The following TMEM107 variants were observed in gnomAD, a reference collection of about 807,000 sequenced individuals.
The protein encoded by TMEM107 is transmembrane protein 107.
TMEM107 carries 18 observed loss-of-function variants against 16.8 expected under a neutral mutation model. The ratio of observed to expected loss-of-function variants is 1.07; its 90% CI spans 0.74 to 1.59. TMEM107 has a LOEUF of 1.59. TMEM107 is among the 40% of genes most tolerant of loss of function. The pLI is 0.00. For missense variants in TMEM107, 152 were observed against 175.4 expected, an observed-to-expected ratio of 0.87 and a Z score of 0.75; for synonymous variants, 68 against 71.6, an observed-to-expected ratio of 0.95 and a Z score of 0.25.
In TMEM107 at chr17:8,173,466, C is replaced by A. The variant is rs201397948; in HGVS notation, c.*737G>T. The A allele has an allele frequency of 1.1e-4, 86 of 764,298 alleles. No individual in the cohort carries two copies. The highest frequency in any genetic ancestry group is 4.7e-4 in the Admixed American group (28 of 58,964). 47.3% of individuals were successfully genotyped at this position (764,298 alleles called of 1,614,324 possible). ...ATCGTCAGAAAGAATCAGACAGGAG[C>A]AATCAGGGTGTTGCAAGTCCTGATT... On this transcript the variant is annotated 3_prime_UTR_variant, in exon 5 of 5. Transcript: ENST00000437139.
In TMEM107 at chr17:8,173,890, GCGA is replaced by G; in HGVS notation, c.*310_*312del. ...ACCTACCGTAGTAACCAAAATAGAAGCGATACCAAGTATCTTACGGTCTGCAGG... is the reference window on the plus strand; with the variant it reads ...ACCTACCGTAGTAACCAAAATAGAAGTACCAAGTATCTTACGGTCTGCAGG... On this transcript the variant is annotated 3_prime_UTR_variant, in exon 5 of 5. Coordinates refer to ENST00000437139, the MANE Select transcript of TMEM107 (RefSeq NM_183065.4). 2.0e-6 allele frequency: 1 copy of G among 488,838 alleles called. No individual in the cohort carries two copies. Among genetic ancestry groups the G allele is most frequent in the South Asian group, 2.6e-5 (1 of 37,848 alleles). 30.3% of individuals were successfully genotyped at this position (488,838 alleles called of 1,614,324 possible). A position where few individuals can be genotyped will look rare whatever the true frequency, so the allele number is the denominator to read the frequency against.
At position 8,172,869 on chromosome 17, in the gene TMEM107, AAAAAAACC is replaced by A. The variant is rs1418556500; in HGVS notation, c.*1326_*1333del. ...TGAGACTGTCTCAAAAAAAAAAAAA[AAAAAAACC>A]AAAAGAGGGGGGTGGTCAACATACC... On this transcript the variant is annotated 3_prime_UTR_variant, in exon 5 of 5. Coordinates refer to ENST00000437139, the MANE Select transcript of TMEM107 (RefSeq NM_183065.4). Among the ~76,000 whole-genome samples the A allele has an allele frequency of 2.7e-5, 4 of 148,288 alleles. No individual in the cohort carries two copies. Among genetic ancestry groups the A allele is most frequent in the Non-Finnish European group, 6.0e-5 (4 of 66,818 alleles).
rs1026872231 is a variant in TMEM107 at position 8,173,695 on chromosome 17, C to T, written c.*508G>A. 4 of 618,760 alleles carry T rather than the reference C, an allele frequency of 6.5e-6. No homozygotes were observed. The Admixed American group carries it at 1.1e-4, about 17-fold the overall frequency. 38.3% of individuals were successfully genotyped at this position (618,760 alleles called of 1,614,324 possible). The stretch of plus-strand genomic sequence containing the variant: ...GCAATCCTATTATTTAGCGTCCTTC[C>T]AGTTGTTTTGCCATATTAGCTCGCA... On this transcript the variant is annotated 3_prime_UTR_variant, in exon 5 of 5. Coordinates refer to ENST00000437139, the MANE Select transcript of TMEM107 (RefSeq NM_183065.4).
rs987099808 is a variant in TMEM107 at position 8,173,436 on chromosome 17, A to C, written c.*767T>G. ...CTGCTAATCAGCATAACACAAATGTAAGTGATCGTCAGAAAGAATCAGACA... is the reference window on the plus strand; with the variant it reads ...CTGCTAATCAGCATAACACAAATGTCAGTGATCGTCAGAAAGAATCAGACA... On this transcript the variant is annotated 3_prime_UTR_variant, in exon 5 of 5. Coordinates refer to ENST00000437139, the MANE Select transcript of TMEM107 (RefSeq NM_183065.4). 2 of 760,278 alleles carry C rather than the reference A, an allele frequency of 2.6e-6. No individual in the cohort carries two copies. The highest frequency in any genetic ancestry group is 4.8e-6 in the Non-Finnish European group (2 of 415,630). The allele number at this position is 760,278 out of a possible 1,614,324, so 47.1% of individuals were successfully genotyped here. A position where few individuals can be genotyped will look rare whatever the true frequency, so the allele number is the denominator to read the frequency against.
chr17:8,174,758 C>T (rs993813198), intron 3 of TMEM107, 142 bp from the exon 4 acceptor site: 5 of 716,136 alleles, frequency 7.0e-6, no homozygotes, highest in African/African-American at 1.8e-5. Context: ...GTCAGCAGCT[C>T]TGACTTCTGA....
rs1448283826 is a variant in TMEM107, at chr17:8,175,599, G to T, written c.256+158C>A. On this transcript the variant is annotated intron_variant, in intron 3 of 4. Transcript: ENST00000437139. Reference sequence around the variant, plus strand: ...AAAAACTGTATTTTACTCTCATTTTGGGATTTTAAGTGCCTAGTAAACAGC... The same window carrying T: ...AAAAACTGTATTTTACTCTCATTTTTGGATTTTAAGTGCCTAGTAAACAGC... The T allele has an allele frequency of 5.2e-6, 4 of 767,558 alleles. No homozygotes were observed. In the African/African-American group the frequency reaches 6.7e-5, roughly 13 times the overall value. The allele number at this position is 767,558 out of a possible 1,614,324, so 47.5% of individuals were successfully genotyped here. A position where few individuals can be genotyped will look rare whatever the true frequency, so the allele number is the denominator to read the frequency against.
intron 3 of TMEM107, chr17:8,175,210 A>T (rs1009395847): frequency 4.8e-6 from 1 of 206,236 alleles, no homozygotes; most frequent in Admixed American, 5.3e-5. Context: ...GGATTACAGG[A>T]GTGCGCCGCC....
Position 8,173,342 on chromosome 17 carries a change from G to A in TMEM107, c.*861C>T, listed in dbSNP as rs144936021. The A allele has an allele frequency of 4.4e-4, 263 of 595,462 alleles. 2 individuals carry two copies. Among genetic ancestry groups the A allele is most frequent in the African/African-American group, 3.0e-3 (163 of 53,960 alleles). 36.9% of individuals were successfully genotyped at this position (595,462 alleles called of 1,614,324 possible). A position where few individuals can be genotyped will look rare whatever the true frequency, so the allele number is the denominator to read the frequency against. ...ACTGCAAAATAGACAAACAGCAATA[G>A]CAAGACTGCAAAATAGACAAACAGC... is the stretch of plus-strand genomic sequence containing the variant. On this transcript the variant is annotated 3_prime_UTR_variant, in exon 5 of 5. Transcript: ENST00000437139.
rs146107438 is a variant in TMEM107 at position 8,173,550 on chromosome 17, C to CA, written c.*652_*653insT. ...CAATCATCATGTTCTAATCTGCCCT[C>CA]CGGAGGAGGAACAGGTAAGGATTAT... On this transcript the variant is annotated 3_prime_UTR_variant, in exon 5 of 5. Coordinates refer to ENST00000437139, the MANE Select transcript of TMEM107 (RefSeq NM_183065.4). 413 of 765,356 alleles carry CA rather than the reference C, an allele frequency of 5.4e-4. 1 individual carries two copies. Among genetic ancestry groups the CA allele is most frequent in the Non-Finnish European group, 8.6e-4 (358 of 417,990 alleles). The allele number at this position is 765,356 out of a possible 1,614,324, so 47.4% of individuals were successfully genotyped here.
chr17:8,173,557 A>AT lies in TMEM107; in HGVS notation c.*645_*646insA. On this transcript the variant is annotated 3_prime_UTR_variant, in exon 5 of 5. Transcript: ENST00000437139. ...CATGTTCTAATCTGCCCTCCGGAGG[A>AT]GGAACAGGTAAGGATTATCCCACCT... is the stretch of plus-strand genomic sequence containing the variant. The AT allele has an allele frequency of 1.3e-6, 1 of 765,404 alleles. No individual in the cohort carries two copies. The highest frequency in any genetic ancestry group is 2.4e-6 in the Non-Finnish European group (1 of 417,996). 47.4% of individuals were successfully genotyped at this position (765,404 alleles called of 1,614,324 possible). A position where few individuals can be genotyped will look rare whatever the true frequency, so the allele number is the denominator to read the frequency against.
chr17:8,173,364 C>G lies in TMEM107; in HGVS notation c.*839G>C, dbSNP rs75491512. 1 of 635,278 alleles carries G rather than the reference C, an allele frequency of 1.6e-6. No homozygotes were observed. The highest frequency in any genetic ancestry group is 2.9e-6 in the Non-Finnish European group (1 of 345,234). 39.4% of individuals were successfully genotyped at this position (635,278 alleles called of 1,614,324 possible). ...ATAGCAAGACTGCAAAATAGACAAACAGCAAGGTTATCCCAGTCAGAACTT... is the reference window on the plus strand; with the variant it reads ...ATAGCAAGACTGCAAAATAGACAAAGAGCAAGGTTATCCCAGTCAGAACTT... On this transcript the variant is annotated 3_prime_UTR_variant, in exon 5 of 5. Coordinates refer to ENST00000437139, the MANE Select transcript of TMEM107 (RefSeq NM_183065.4).
At position 8,173,673 on chromosome 17, in the gene TMEM107, A is replaced by T; in HGVS notation, c.*530T>A. On this transcript the variant is annotated 3_prime_UTR_variant, in exon 5 of 5. Transcript: ENST00000437139. Reference sequence around the variant, plus strand: ...AGTTCATAACGCGCTGGTATGAGCAATCCTATTATTTAGCGTCCTTCCAGT... The same window carrying T: ...AGTTCATAACGCGCTGGTATGAGCATTCCTATTATTTAGCGTCCTTCCAGT... 1 of 661,646 alleles carries T rather than the reference A, an allele frequency of 1.5e-6. No homozygotes were observed. The highest frequency in any genetic ancestry group is 2.8e-6 in the Non-Finnish European group (1 of 363,386). 41.0% of individuals were successfully genotyped at this position (661,646 alleles called of 1,614,324 possible).
intron 2 of TMEM107, 47 bp from the exon 3 acceptor site, chr17:8,175,904 G>C (rs772791490): frequency 5.0e-6 from 8 of 1,614,090 alleles, no homozygotes; most frequent in African/African-American, 4.0e-5. Context: ...CTTATTCTAA[G>C]ACCCCTCCAC....
rs968533837 is a variant in TMEM107, at chr17:8,173,258, A to G, written c.*945T>C. ...CCCATTTGTATTATTTCACTGCCTA[A>G]ATTCCAGAAAGCAACAAAAACCAAA... is the stretch of plus-strand genomic sequence containing the variant. On this transcript the variant is annotated 3_prime_UTR_variant, in exon 5 of 5. Coordinates refer to ENST00000437139, the MANE Select transcript of TMEM107 (RefSeq NM_183065.4). 3.9e-6 allele frequency: 2 copies of G among 518,166 alleles called. No homozygotes were observed. The highest frequency in any genetic ancestry group is 1.9e-5 in the African/African-American group (1 of 52,136). 32.1% of individuals were successfully genotyped at this position (518,166 alleles called of 1,614,324 possible). A position where few individuals can be genotyped will look rare whatever the true frequency, so the allele number is the denominator to read the frequency against.
Position 8,173,313 on chromosome 17 carries a change from CAAGACTGCAAAATAGACAAACAGCAAT to C in TMEM107, c.*863_*889del. The C allele has an allele frequency of 1.9e-6, 1 of 534,030 alleles. No individual in the cohort carries two copies. The highest frequency in any genetic ancestry group is 1.9e-5 in the African/African-American group (1 of 52,154). The allele number at this position is 534,030 out of a possible 1,614,324, so 33.1% of individuals were successfully genotyped here. On this transcript the variant is annotated 3_prime_UTR_variant, in exon 5 of 5. Coordinates refer to ENST00000437139, the MANE Select transcript of TMEM107 (RefSeq NM_183065.4). ...AATTTTCAAGAACAAACAAATTTAGCAAGACTGCAAAATAGACAAACAGCAATAGCAAGACTGCAAAATAGACAAACA... is the reference window on the plus strand; with the variant it reads ...AATTTTCAAGAACAAACAAATTTAGCAGCAAGACTGCAAAATAGACAAACA...
chr17:8,174,579 G>A lies in TMEM107; in HGVS notation c.294C>T (p.Ser98=). 1 of 1,612,976 alleles carries A rather than the reference G, an allele frequency of 6.2e-7. No homozygotes were observed. Among genetic ancestry groups the A allele is most frequent in the Non-Finnish European group, 8.5e-7 (1 of 1,178,980 alleles). The part of the protein sequence containing the change: ...GAHCSASVAL[S]FFIFERWECT... ...ACTCCCAACGCTCGAATATGAAGAAGGACAGGGCCACGGATGCACTACAGT... is the reference window on the plus strand; with the variant it reads ...ACTCCCAACGCTCGAATATGAAGAAAGACAGGGCCACGGATGCACTACAGT... The change falls in exon 4 of 5, where the codon TCC becomes TCT. Residue 98 remains serine, a synonymous_variant. Coordinates refer to ENST00000437139, the MANE Select transcript of TMEM107 (RefSeq NM_183065.4).
chr17:8,174,094 G>A lies in TMEM107; in HGVS notation c.*109C>T. 1.1e-6 allele frequency: 1 copy of A among 873,162 alleles called. No homozygotes were observed. The highest frequency in any genetic ancestry group is 1.9e-6 in the Non-Finnish European group (1 of 515,402). The allele number at this position is 873,162 out of a possible 1,614,324, so 54.1% of individuals were successfully genotyped here. On this transcript the variant is annotated 3_prime_UTR_variant, in exon 5 of 5. Coordinates refer to ENST00000437139, the MANE Select transcript of TMEM107 (RefSeq NM_183065.4). ...TTATTCCAACACATATCCTCCAGCAGAAGCAGTTTCCGAGGGGAAAACCGA... is the reference window on the plus strand; with the variant it reads ...TTATTCCAACACATATCCTCCAGCAAAAGCAGTTTCCGAGGGGAAAACCGA...
In TMEM107 at chr17:8,174,145, A is replaced by C; in HGVS notation, c.*58T>G. ...AGCCTATGCCTTCCTTCTTCCAGGAATACGAAGCGGCCCTTGCCCCTGTAG... is the reference window on the plus strand; with the variant it reads ...AGCCTATGCCTTCCTTCTTCCAGGACTACGAAGCGGCCCTTGCCCCTGTAG... On this transcript the variant is annotated 3_prime_UTR_variant, in exon 5 of 5. Coordinates refer to ENST00000437139, the MANE Select transcript of TMEM107 (RefSeq NM_183065.4). 1 of 1,498,980 alleles carries C rather than the reference A, an allele frequency of 6.7e-7. No homozygotes were observed. Among genetic ancestry groups the C allele is most frequent in the South Asian group, 1.1e-5 (1 of 88,414 alleles). The allele number at this position is 1,498,980 out of a possible 1,614,324, so 92.9% of individuals were successfully genotyped here. A position where few individuals can be genotyped will look rare whatever the true frequency, so the allele number is the denominator to read the frequency against.
In TMEM107 at chr17:8,173,461, AG is replaced by A. The variant is rs760914127; in HGVS notation, c.*741del. The A allele has an allele frequency of 1.0e-5, 8 of 764,054 alleles. No individual in the cohort carries two copies. Among genetic ancestry groups the A allele is most frequent in the Non-Finnish European group, 1.7e-5 (7 of 417,736 alleles). 47.3% of individuals were successfully genotyped at this position (764,054 alleles called of 1,614,324 possible). A position where few individuals can be genotyped will look rare whatever the true frequency, so the allele number is the denominator to read the frequency against. On this transcript the variant is annotated 3_prime_UTR_variant, in exon 5 of 5. Coordinates refer to ENST00000437139, the MANE Select transcript of TMEM107 (RefSeq NM_183065.4). ...AAGTGATCGTCAGAAAGAATCAGACAGGAGCAATCAGGGTGTTGCAAGTCCT... is the reference window on the plus strand; with the variant it reads ...AAGTGATCGTCAGAAAGAATCAGACAGAGCAATCAGGGTGTTGCAAGTCCT...
Sources: allele counts gnomAD v4.1 joint callset (sites outside exome capture counted in the v4.1 genomes callset), GRCh38; gene constraint gnomAD v4.1.1; transcripts MANE v1.5; gene names NCBI Gene and HGNC (gene_info 2026-07-23, HGNC 2026-07-21).